The following NRIP3 variants were observed in gnomAD, a reference collection of about 807,000 sequenced individuals.
NRIP3 encodes nuclear receptor-interacting protein 3.
Under a neutral mutation model 29.0 loss-of-function variants are expected in NRIP3, and 31 were observed. That is an observed-to-expected ratio of 1.07 (90% CI 0.80 to 1.44). The LOEUF is 1.44. Among genes scored for constraint, NRIP3 ranks in the 40% most tolerant of loss-of-function variants. NRIP3 has a pLI of 0.00. For missense variants in NRIP3, 314 were observed against 297.9 expected, an observed-to-expected ratio of 1.05 and a Z score of -0.40; for synonymous variants, 131 against 118.3, an observed-to-expected ratio of 1.11 and a Z score of -0.70.
chr11:8,985,901 G>C (rs769376523), intron 3 of NRIP3, 51 bp from the exon 4 acceptor site: 13 of 1,600,034 alleles, frequency 8.1e-6, no homozygotes, highest in Non-Finnish European at 1.1e-5. Context: ...ATTCCTGGTA[G>C]AATCCTGCAA....
intron 3 of NRIP3, 78 bp downstream of exon 3, chr11:8,987,470 C>T (rs1854536101): frequency 1.9e-6 from 2 of 1,032,696 alleles, no homozygotes; most frequent in Non-Finnish European, 3.1e-6. Context: ...GAGACCCTCA[C>T]CATCTCTAAC....
At chr11:8,991,083 C>T (rs906223228) in intron 1 of NRIP3, among the ~76,000 whole-genome samples, 6 of 152,076 alleles carry the variant, frequency 3.9e-5, no homozygotes, top group African/African-American at 1.2e-4. Flanking sequence ...GGGTGGATCA[C>T]GAGGTCAGGA....
chr11:9,004,328 T>G, upstream of NRIP3: 1 of 160,090 alleles, frequency 6.2e-6, no homozygotes. Context: ...TCTCTGCCGC[T>G]GGCCGCGGGT....
chr11:8,991,862 TC>T (rs1854607745), intron 1 of NRIP3, among the ~76,000 whole-genome samples: 1 of 152,218 alleles, frequency 6.6e-6, no homozygotes, highest in Admixed American at 6.5e-5. Flanking sequence ...ATGCACCATT[TC>T]TATGCCTGGC....
Position 9,003,770 on chromosome 11 carries a change from T to G in NRIP3, c.166A>C (p.Lys56Gln), listed in dbSNP as rs953524534. ...CGGCGGCGGGGGCTCACCATGTCCTTGGACGAGCCCAGCTTCTTGAGGCCG... is the reference window on the plus strand; with the variant it reads ...CGGCGGCGGGGGCTCACCATGTCCTGGGACGAGCCCAGCTTCTTGAGGCCG... ...LDGLKKLGSS[K>Q]DMQPHNILQR... Residue 56 changes from lysine (K) to glutamine (Q), a missense_variant, in exon 1 of 7, where the codon AAG becomes CAG. Lys to Gln is a moderately conservative substitution (Grantham distance 53, BLOSUM62 1). Coordinates refer to ENST00000309166, the MANE Select transcript of NRIP3 (RefSeq NM_020645.3). The G allele has an allele frequency of 1.4e-6, 2 of 1,462,088 alleles. No homozygotes were observed. Among genetic ancestry groups the G allele is most frequent in the Non-Finnish European group, 1.8e-6 (2 of 1,100,656 alleles). 90.6% of individuals were successfully genotyped at this position (1,462,088 alleles called of 1,614,324 possible).
chr11:8,985,734 A>G lies in NRIP3; in HGVS notation c.539T>C (p.Leu180Pro). Reference sequence around the variant, plus strand: ...ACCAACCACAGCTGCTGGGCAGTCCAGGCGGAGGGAGCCCAGTGTGATCAC... The same window carrying G: ...ACCAACCACAGCTGCTGGGCAGTCCGGGCGGAGGGAGCCCAGTGTGATCAC... ...HLVITLGSLR[L>P]DCPAAVVDDN... Residue 180 changes from leucine to proline, a missense_variant, in exon 4 of 7, where the codon CTG (leucine) becomes CCG (proline). Transcript: ENST00000309166. 6.2e-7 allele frequency: 1 copy of G among 1,614,076 alleles called. No individual in the cohort carries two copies. The highest frequency in any genetic ancestry group is 8.5e-7 in the Non-Finnish European group (1 of 1,180,016).
At chr11:8,993,924 G>C (rs1460614258) in intron 1 of NRIP3, among the ~76,000 whole-genome samples, 2 of 151,580 alleles carry the variant, frequency 1.3e-5, no homozygotes, top group Admixed American at 6.6e-5. Flanking sequence ...ACAAGCAACA[G>C]CTTTAAATTT....
rs1391684786 is a variant in NRIP3 at position 8,982,280 on chromosome 11, A to C, written c.*1265T>G. On this transcript the variant is annotated 3_prime_UTR_variant, in exon 7 of 7. Transcript: ENST00000309166. ...TGGGCAGTTATAAAAAGTTGTCCTT[A>C]ACATTGCCGGCTCCTGCTCTGCCTC... The C allele has an allele frequency of 6.6e-6, 1 of 152,240 alleles. No homozygotes were observed. Among genetic ancestry groups the C allele is most frequent in the Non-Finnish European group, 1.5e-5 (1 of 68,056 alleles). 9.4% of individuals were successfully genotyped at this position (152,240 alleles called of 1,614,324 possible).
Position 8,988,208 on chromosome 11 carries a change from A to G in NRIP3, c.249T>C (p.Pro83=). Residue 83 remains proline, a synonymous_variant, in exon 2 of 7, where the codon CCT becomes CCC. Coordinates refer to ENST00000309166, the MANE Select transcript of NRIP3 (RefSeq NM_020645.3). ...LSKLRSGPRV[P]WASKTNKLNQ... ...TGAGTTTGTTCGTCTTAGAGGCCCA[A>G]GGGACACGGGGACCGCTTCGGAGCT... The G allele has an allele frequency of 6.2e-7, 1 of 1,614,170 alleles. No individual in the cohort carries two copies. Among genetic ancestry groups the G allele is most frequent in the South Asian group, 1.1e-5 (1 of 91,072 alleles).
intron 1 of NRIP3, among the ~76,000 whole-genome samples, chr11:8,988,848 C>T (rs935709419): frequency 1.3e-5 from 2 of 152,168 alleles, no homozygotes; most frequent in African/African-American, 4.8e-5. Context: ...ACTGAGTCAC[C>T]CATGGGTGGA....
At chr11:9,004,103 C>G, upstream of NRIP3, 1 of 521,842 alleles carries the variant, frequency 1.9e-6, no homozygotes, top group African/African-American at 2.0e-5. Flanking sequence ...GTCCACGCCC[C>G]GCGCGGCTCC....
intron 1 of NRIP3, among the ~76,000 whole-genome samples, chr11:8,993,898 T>C (rs1854653993): frequency 6.6e-6 from 1 of 151,484 alleles, no homozygotes; most frequent in African/African-American, 2.4e-5. Context: ...TACTTGGAGA[T>C]ATGGAGATCC....
In NRIP3 at chr11:8,983,861, A is replaced by G; in HGVS notation, c.710+14T>C. 6.2e-7 allele frequency: 1 copy of G among 1,609,042 alleles called. No homozygotes were observed. Among genetic ancestry groups the G allele is most frequent in the Non-Finnish European group, 8.5e-7 (1 of 1,175,358 alleles). ...AAATGGATGTGACTTGATCTGACCC[A>G]TTTGGGCACTCACTTGTCTTCATTC... On this transcript the variant is annotated intron_variant, in intron 6 of 6. Transcript: ENST00000309166.
chr11:8,983,396 C>G lies in NRIP3; in HGVS notation c.*149G>C, dbSNP rs1854453906. The G allele has an allele frequency of 3.0e-6, 2 of 666,604 alleles. No individual in the cohort carries two copies. Among genetic ancestry groups the G allele is most frequent in the African/African-American group, 1.8e-5 (1 of 54,732 alleles). 41.3% of individuals were successfully genotyped at this position (666,604 alleles called of 1,614,324 possible). ...AGCATAGACTATAGTCTAGAGAGGT[C>G]TGAATGGGAAGGAGCCCCTGGAGCT... On this transcript the variant is annotated 3_prime_UTR_variant, in exon 7 of 7. Coordinates refer to ENST00000309166, the MANE Select transcript of NRIP3 (RefSeq NM_020645.3).
intron 1 of NRIP3, among the ~76,000 whole-genome samples, chr11:8,996,744 C>G (rs763311028): frequency 7.9e-5 from 12 of 152,160 alleles, no homozygotes; most frequent in Non-Finnish European, 1.6e-4. Context: ...TTTCCAAGGG[C>G]CGTCCTGTCT....
intron 4 of NRIP3, 142 bp downstream of exon 4, chr11:8,985,569 G>T: frequency 1.1e-6 from 1 of 946,604 alleles, no homozygotes; most frequent in Non-Finnish European, 1.5e-6. Flanking sequence ...AGCAAAAATT[G>T]GGACAAGGTC....
chr11:9,004,144 C>CGCGTCCCGCGTCCCGCGTCCCGCGT, upstream of NRIP3: 1 of 400,840 alleles, frequency 2.5e-6, no homozygotes. Flanking sequence ...TCCCGCGTCC[C>CGCGTCCCGCGTCCCGCGTCCCGCGT]CTGCTCACCC....
intron 1 of NRIP3, among the ~76,000 whole-genome samples, chr11:8,991,218 A>G (rs955580030): frequency 7.3e-5 from 11 of 151,500 alleles, no homozygotes; most frequent in African/African-American, 2.2e-4. Context: ...GGAGAATGGC[A>G]TGAACCCGGG....
intron 4 of NRIP3, among the ~76,000 whole-genome samples, chr11:8,984,494 C>G (rs1270871479): frequency 1.3e-5 from 2 of 152,150 alleles, no homozygotes; most frequent in Non-Finnish European, 2.9e-5. Context: ...AACTCCTGAC[C>G]TCAGGAGATC....
Sources: allele counts gnomAD v4.1 joint callset (sites outside exome capture counted in the v4.1 genomes callset), GRCh38; gene constraint gnomAD v4.1.1; transcripts MANE v1.5; gene names NCBI Gene and HGNC (gene_info 2026-07-23, HGNC 2026-07-21).